Variants in OXR1 observed in about 807,000 individuals in gnomAD.
The protein encoded by OXR1 is oxidation resistance 1.
In OXR1, 41 loss-of-function variants were observed where a neutral mutation model predicts 104.6. That is an observed-to-expected ratio of 0.39 (90% CI 0.31 to 0.51). The LOEUF (loss-of-function observed/expected upper bound fraction) is 0.51, where lower values mean the gene tolerates loss of function less well. OXR1 is among the 20% of genes least tolerant of loss of function. The pLI is 0.77. For missense variants in OXR1, 955 were observed against 1,031.9 expected (o/e 0.93, Z 1.02); for synonymous variants, 348 against 348.4 (o/e 1.00, Z 0.01).
intron 3 of OXR1, among the ~76,000 whole-genome samples, chr8:106,555,937 T>TATATATATAC (rs1279099748): frequency 6.2e-5 from 6 of 96,460 alleles, no homozygotes; most frequent in Non-Finnish European, 1.0e-4. Flanking sequence ...TGTACATATA[T>TATATATATAC]ATATATATAT....
At chr8:106,522,949 G>A (rs1283201143) in intron 3 of OXR1, 2 of 152,198 alleles carry the variant, frequency 1.3e-5, no homozygotes, top group Non-Finnish European at 2.9e-5. Context: ...GGTGTCTCAA[G>A]GCTAAAGACA....
intron 1 of OXR1, among the ~76,000 whole-genome samples, chr8:106,289,493 C>T (rs965683016): frequency 6.6e-6 from 1 of 152,160 alleles, no homozygotes; most frequent in African/African-American, 2.4e-5. Flanking sequence ...TTACAAAACA[C>T]TGCTGGAAGA....
chr8:106,534,487 T>C (rs914793913), intron 3 of OXR1, among the ~76,000 whole-genome samples: 7 of 152,198 alleles, frequency 4.6e-5, no homozygotes, highest in African/African-American at 1.4e-4. Flanking sequence ...AAAGTAGTAA[T>C]GGATAAAATT....
intron 3 of OXR1, among the ~76,000 whole-genome samples, chr8:106,626,566 T>TA (rs1822180587): frequency 6.7e-6 from 1 of 149,286 alleles, no homozygotes; most frequent in Admixed American, 6.7e-5. Flanking sequence ...AATTTTTTTT[T>TA]ACCTTAAAAG....
At chr8:106,351,838 C>G (rs1357518823) in intron 1 of OXR1, among the ~76,000 whole-genome samples, 1 of 152,160 alleles carries the variant, frequency 6.6e-6, no homozygotes, top group Non-Finnish European at 1.5e-5. Flanking sequence ...TTAGTTCATG[C>G]ATTTTTACAT....
intron 2 of OXR1, among the ~76,000 whole-genome samples, chr8:106,434,818 A>G (rs1286764541): frequency 6.6e-6 from 1 of 152,218 alleles, no homozygotes; most frequent in Non-Finnish European, 1.5e-5. Context: ...TAGGAATCAG[A>G]TGCTATTCCT....
intron 2 of OXR1, among the ~76,000 whole-genome samples, chr8:106,390,804 G>A (rs941115338): frequency 2.0e-5 from 3 of 152,072 alleles, no homozygotes; most frequent in Non-Finnish European, 4.4e-5. Flanking sequence ...AAGTCAATAT[G>A]TATAGATTAC....
chr8:106,563,718 A>C (rs186709239), intron 3 of OXR1, among the ~76,000 whole-genome samples: 200 of 152,294 alleles, frequency 1.3e-3, no homozygotes, highest in African/African-American at 4.5e-3. Context: ...ACTTATTCTA[A>C]AATTGACTAC....
chr8:106,314,888 C>T (rs1469531974), intron 1 of OXR1, among the ~76,000 whole-genome samples: 1 of 152,150 alleles, frequency 6.6e-6, no homozygotes, highest in Admixed American at 6.5e-5. Context: ...ACGGTATAGA[C>T]ACTCAGAATT....
intron 2 of OXR1, among the ~76,000 whole-genome samples, chr8:106,510,199 G>A (rs1812433534): frequency 6.6e-6 from 1 of 152,076 alleles, no homozygotes; most frequent in Non-Finnish European, 1.5e-5. Flanking sequence ...TTTATATGTA[G>A]ACATGCTTTC....
intron 7 of OXR1, among the ~76,000 whole-genome samples, chr8:106,695,178 A>G (rs927082292): frequency 6.6e-6 from 1 of 150,830 alleles, no homozygotes. Context: ...AATTTAAAAT[A>G]ATTTTTAAAA....
chr8:106,364,477 G>A (rs149127104), intron 2 of OXR1, among the ~76,000 whole-genome samples: 1 of 152,074 alleles, frequency 6.6e-6, no homozygotes, highest in South Asian at 2.1e-4. Context: ...CTACTCAGGA[G>A]GCTGAGGCAG....
intron 1 of OXR1, among the ~76,000 whole-genome samples, chr8:106,302,426 C>T (rs1233835376): frequency 6.6e-6 from 1 of 151,804 alleles, no homozygotes; most frequent in East Asian, 2.0e-4. Context: ...ACTAAAAATA[C>T]AAAAAGAAAT....
At chr8:106,542,957 G>GC (rs1458483504) in intron 3 of OXR1, among the ~76,000 whole-genome samples, 1 of 151,982 alleles carries the variant, frequency 6.6e-6, no homozygotes, top group Non-Finnish European at 1.5e-5. Flanking sequence ...ATTATTTTTT[G>GC]CCCTTAACTG....
chr8:106,531,884 A>G (rs1363826770), intron 3 of OXR1, among the ~76,000 whole-genome samples: 1 of 152,192 alleles, frequency 6.6e-6, no homozygotes, highest in Non-Finnish European at 1.5e-5. Flanking sequence ...GTGGGATGGA[A>G]TGGGGATAGC....
chr8:106,311,076 T>A (rs1261663455), intron 1 of OXR1, among the ~76,000 whole-genome samples: 1 of 152,136 alleles, frequency 6.6e-6, no homozygotes, highest in Non-Finnish European at 1.5e-5. Flanking sequence ...ATCAGTCTTC[T>A]AATTTTCTTA....
chr8:106,718,603 G>T (rs1287295242), intron 11 of OXR1, among the ~76,000 whole-genome samples: 1 of 152,134 alleles, frequency 6.6e-6, no homozygotes, highest in Non-Finnish European at 1.5e-5. Flanking sequence ...ACTTTGGGAG[G>T]CCGAGACAGG....
In OXR1 at chr8:106,575,097, G is replaced by A. The variant is rs113152641; in HGVS notation, c.220+55958G>A. Among the ~76,000 whole-genome samples the A allele has an allele frequency of 3.8e-4, 58 of 152,016 alleles. No individual in the cohort carries two copies. The East Asian group carries it at 7.2e-3, about 19-fold the overall frequency. On this transcript the variant is annotated intron_variant, in intron 3 of 16. Coordinates refer to ENST00000517566, the MANE Select transcript of OXR1 (RefSeq NM_001198533.2). Reference sequence around the variant, plus strand: ...ATTCTCAATATCATTTTACATTTGCGTTAATTTAACCTGTAGAAGTTCCAG... The same window carrying A: ...ATTCTCAATATCATTTTACATTTGCATTAATTTAACCTGTAGAAGTTCCAG...
At chr8:106,631,753 T>C (rs1026482530) in intron 3 of OXR1, among the ~76,000 whole-genome samples, 5 of 152,176 alleles carry the variant, frequency 3.3e-5, no homozygotes, top group Non-Finnish European at 7.4e-5. Context: ...ATCAGCCTAC[T>C]AAGAAAGATT....
Sources: allele counts gnomAD v4.1 joint callset (sites outside exome capture counted in the v4.1 genomes callset), GRCh38; gene constraint gnomAD v4.1.1; transcripts MANE v1.5; gene names NCBI Gene and HGNC (gene_info 2026-07-23, HGNC 2026-07-21).